Variants in UVSSA observed in about 807,000 individuals in gnomAD.
UVSSA encodes the protein UV-stimulated scaffold protein A.
UVSSA carries 72 observed loss-of-function variants against 73.9 expected under a neutral mutation model. That is an observed-to-expected ratio of 0.97 (90% CI 0.81 to 1.19). The LOEUF (loss-of-function observed/expected upper bound fraction) is 1.19, where lower values mean the gene tolerates loss of function less well. Among genes scored for constraint, UVSSA ranks in the 50% most tolerant of loss-of-function variants. The probability of loss-of-function intolerance (pLI) is 0.00; values close to 1 mark genes in which losing one functional copy is unlikely to be tolerated. For synonymous variants in UVSSA, 454 were observed against 391.3 expected (o/e 1.16, Z -1.89); for missense variants, 1,150 against 965.0 (o/e 1.19, Z -2.54).
upstream of UVSSA, among the ~76,000 whole-genome samples, chr4:1,343,548 G>A (rs1343720260): frequency 6.6e-6 from 1 of 152,044 alleles, no homozygotes; most frequent in Non-Finnish European, 1.5e-5. Flanking sequence ...CTAAGGTATT[G>A]CCACCTCCAG....
chr4:1,370,601 C>G (rs771311779), intron 8 of UVSSA, among the ~76,000 whole-genome samples: 3 of 152,272 alleles, frequency 2.0e-5, no homozygotes, highest in Non-Finnish European at 4.4e-5. Flanking sequence ...CGCAGTCTCT[C>G]CAGCTTCGGG....
rs962640150 is a variant in UVSSA, at chr4:1,386,336, C to T, written c.*375C>T. On this transcript the variant is annotated 3_prime_UTR_variant, in exon 14 of 14. Coordinates refer to ENST00000389851, the MANE Select transcript of UVSSA (RefSeq NM_020894.4). The stretch of plus-strand genomic sequence containing the variant: ...GTGCATTCCCCAGCCAGGAGGCGAC[C>T]ACTCAGAGGAACTCTGGGAAACCCA... The T allele has an allele frequency of 3.1e-5, 6 of 191,168 alleles. No individual in the cohort carries two copies. Among genetic ancestry groups the T allele is most frequent in the Non-Finnish European group, 6.6e-5 (6 of 91,280 alleles). 11.8% of individuals were successfully genotyped at this position (191,168 alleles called of 1,614,324 possible).
chr4:1,380,771 A>AT, intron 11 of UVSSA, 109 bp from the exon 12 acceptor site: 1 of 1,580,924 alleles, frequency 6.3e-7, no homozygotes, highest in Non-Finnish European at 8.6e-7. Flanking sequence ...TGGCTCTGTG[A>AT]TACCACCCAC....
chr4:1,379,924 G>A (rs533372012), intron 10 of UVSSA, 123 bp from the exon 11 acceptor site: 276 of 1,201,508 alleles, frequency 2.3e-4, no homozygotes, highest in South Asian at 3.6e-4. Flanking sequence ...CCTGGGTGCT[G>A]TCCACAGTGT....
rs1049076951 is a variant in UVSSA at position 1,352,329 on chromosome 4, A to G, written c.550+494A>G. Among the ~76,000 whole-genome samples, 7 of 152,124 alleles carry G rather than the reference A, an allele frequency of 4.6e-5. No homozygotes were observed. In the East Asian group the frequency reaches 1.3e-3, roughly 29 times the overall value. On this transcript the variant is annotated intron_variant, in intron 4 of 13. Transcript: ENST00000389851. ...GCACGGCCCTGTGTCTTCAGACTACATGTACCCCAGATCCTTCTCCTGACA... is the reference window on the plus strand; with the variant it reads ...GCACGGCCCTGTGTCTTCAGACTACGTGTACCCCAGATCCTTCTCCTGACA...
chr4:1,373,518 A>G (rs940800063), intron 8 of UVSSA, among the ~76,000 whole-genome samples: 4 of 152,092 alleles, frequency 2.6e-5, no homozygotes, highest in African/African-American at 4.8e-5. Context: ...GTATCCTTCA[A>G]TCCAATCAAG....
At chr4:1,357,018 GC>G (rs1394503514) in intron 7 of UVSSA, 5 of 152,676 alleles carry the variant, frequency 3.3e-5, no homozygotes, top group African/African-American at 1.2e-4. Context: ...GCAGAGCGGG[GC>G]TGATGGGTGG....
At chr4:1,354,561 A>G in intron 5 of UVSSA, 174 bp from the exon 6 acceptor site, 1 of 609,186 alleles carries the variant, frequency 1.6e-6, no homozygotes, top group Non-Finnish European at 2.9e-6. Context: ...CTTTTCTAAG[A>G]TAATAAAACA....
At chr4:1,377,276 C>CAGCT (rs1560477476) in intron 10 of UVSSA, among the ~76,000 whole-genome samples, 1 of 152,200 alleles carries the variant, frequency 6.6e-6, no homozygotes, top group African/African-American at 2.4e-5. Flanking sequence ...ACATTGTCCA[C>CAGCT]AGCTGCCTGT....
In UVSSA at chr4:1,379,957, T is replaced by C. The variant is rs571942950; in HGVS notation, c.1569-90T>C. The C allele has an allele frequency of 1.8e-3, 2,610 of 1,438,520 alleles. 7 individuals carry two copies. Among genetic ancestry groups the C allele is most frequent in the Middle Eastern group, 4.1e-3 (21 of 5,170 alleles). 89.1% of individuals were successfully genotyped at this position (1,438,520 alleles called of 1,614,324 possible). A position where few individuals can be genotyped will look rare whatever the true frequency, so the allele number is the denominator to read the frequency against. On this transcript the variant is annotated intron_variant, in intron 10 of 13. Transcript: ENST00000389851. ...TGTTGGGGTGGCTGGGCTGCAGTGG[T>C]GTTTGGCCTTCCCCTGTGCCTGCAC...
chr4:1,355,453 C>T (rs1380658320), intron 7 of UVSSA, among the ~76,000 whole-genome samples: 1 of 152,206 alleles, frequency 6.6e-6, no homozygotes, highest in South Asian at 2.1e-4. Context: ...GTGCAGCTGT[C>T]GGGTGTTGCC....
chr4:1,382,956 G>T (rs1319013712), intron 12 of UVSSA, among the ~76,000 whole-genome samples: 1 of 152,210 alleles, frequency 6.6e-6, no homozygotes, highest in African/African-American at 2.4e-5. Flanking sequence ...CGTCAGGGGT[G>T]GCCTTCCCGA....
intron 3 of UVSSA, among the ~76,000 whole-genome samples, chr4:1,350,508 CAA>C (rs1714540207): frequency 1.3e-5 from 2 of 152,254 alleles, no homozygotes; most frequent in Non-Finnish European, 2.9e-5. Flanking sequence ...GCTAATGGAA[CAA>C]GCACACTGCT....
intron 7 of UVSSA, 63 bp downstream of exon 7, chr4:1,355,308 T>A: frequency 3.6e-6 from 4 of 1,104,298 alleles, no homozygotes; most frequent in Non-Finnish European, 5.0e-6. Flanking sequence ...GGAGAAGCTG[T>A]GGGGGGGTTG....
chr4:1,376,687 C>T (rs1430869487), intron 10 of UVSSA, among the ~76,000 whole-genome samples: 4 of 152,224 alleles, frequency 2.6e-5, no homozygotes, highest in Non-Finnish European at 5.9e-5. Flanking sequence ...CAGAAGGGGG[C>T]ACACGGGGGT....
rs1714440159 is a variant in UVSSA at position 1,349,971 on chromosome 4, C to T, written c.429+117C>T. ...CTAGCACAGCAGGGGCCTGCTTGGC[C>T]TTGCCTGAACACCCAGGCTGCCAGA... On this transcript the variant is annotated intron_variant, in intron 3 of 13. Transcript: ENST00000389851. 4.0e-6 allele frequency: 4 copies of T among 988,264 alleles called. No individual in the cohort carries two copies. In the South Asian group the frequency reaches 5.5e-5, roughly 14 times the overall value. 61.2% of individuals were successfully genotyped at this position (988,264 alleles called of 1,614,324 possible).
At chr4:1,374,602 T>C (rs1380052346) in intron 8 of UVSSA, among the ~76,000 whole-genome samples, 6 of 152,170 alleles carry the variant, frequency 3.9e-5, no homozygotes, top group Non-Finnish European at 7.3e-5. Context: ...GCCATGGCCT[T>C]GTCTTGCTGG....
At chr4:1,350,328 G>A (rs1441625967) in intron 3 of UVSSA, among the ~76,000 whole-genome samples, 1 of 152,012 alleles carries the variant, frequency 6.6e-6, no homozygotes, top group Non-Finnish European at 1.5e-5. Context: ...CAGCCTCATT[G>A]CCCAGACCCT....
chr4:1,354,251 C>T (rs1238408711), intron 5 of UVSSA, among the ~76,000 whole-genome samples: 3 of 152,140 alleles, frequency 2.0e-5, no homozygotes, highest in Admixed American at 6.5e-5. Flanking sequence ...AGAGCTCTGC[C>T]CTGCGCCGGA....
Sources: allele counts gnomAD v4.1 joint callset (sites outside exome capture counted in the v4.1 genomes callset), GRCh38; gene constraint gnomAD v4.1.1; transcripts MANE v1.5; gene names NCBI Gene and HGNC (gene_info 2026-07-23, HGNC 2026-07-21).